The following RAB27B variants were observed in gnomAD, a reference collection of about 807,000 sequenced individuals.
RAB27B encodes RAB27B, member RAS oncogene family, also known as ras-related protein Rab-27B.
Under a neutral mutation model 24.6 loss-of-function variants are expected in RAB27B, and 15 were observed. The ratio of observed to expected loss-of-function variants is 0.61; its 90% confidence interval spans 0.41 to 0.94. The LOEUF is 0.94. RAB27B is among the 40% of genes least tolerant of loss of function. RAB27B has a pLI of 0.00. For missense variants in RAB27B, 261 were observed against 266.8 expected, an observed-to-expected ratio of 0.98 and a Z score of 0.15; for synonymous variants, 105 against 92.5, an observed-to-expected ratio of 1.14 and a Z score of -0.78.
chr18:54,885,502 C>T (rs2145288729), intron 4 of RAB27B, among the ~76,000 whole-genome samples: 1 of 152,246 alleles, frequency 6.6e-6, no homozygotes, highest in East Asian at 1.9e-4. Context: ...AAAATCTTGC[C>T]ATTCCCTTTA....
chr18:54,885,631 T>A (rs1034469006), intron 4 of RAB27B, among the ~76,000 whole-genome samples: 2 of 145,910 alleles, frequency 1.4e-5, no homozygotes, highest in African/African-American at 5.6e-5. Context: ...CTCATCACTC[T>A]GTATCCCCTC....
rs140137602 is a variant in RAB27B, at chr18:54,863,242, G to A, written c.-19-14325G>A. 1.6e-4 allele frequency among the ~76,000 whole-genome samples: 25 copies of A among 152,062 alleles called. 1 individual carries two copies. The highest frequency in any genetic ancestry group is 6.0e-4 in the African/African-American group (25 of 41,474). Reference sequence around the variant, plus strand: ...GATTGAATATATACAACTATATCAGGCCCTATTGTATCATTTTCTATTATC... The same window carrying A: ...GATTGAATATATACAACTATATCAGACCCTATTGTATCATTTTCTATTATC... On this transcript the variant is annotated intron_variant, in intron 1 of 5. Transcript: ENST00000262094.
chr18:54,796,553 G>C (rs1435559702), intron 2 of RAB27B, among the ~76,000 whole-genome samples: 1 of 152,130 alleles, frequency 6.6e-6, no homozygotes, highest in African/African-American at 2.4e-5. Flanking sequence ...GAGTCAGGAT[G>C]CCCAGAGGCA....
At chr18:54,861,270 C>T (rs77094173) in intron 1 of RAB27B, among the ~76,000 whole-genome samples, 1 of 151,474 alleles carries the variant, frequency 6.6e-6, no homozygotes, top group Non-Finnish European at 1.5e-5. Context: ...TTTTATTAAA[C>T]AAGCCATATC....
intron 2 of RAB27B, among the ~76,000 whole-genome samples, chr18:54,774,154 A>G (rs1908644078): frequency 6.6e-6 from 1 of 152,174 alleles, no homozygotes; most frequent in South Asian, 2.1e-4. Context: ...CCAGCATTCT[A>G]CTCTACCTCC....
chr18:54,805,115 TAGAGCCTCAGCGAGTTA>T (rs977852240), intron 2 of RAB27B, among the ~76,000 whole-genome samples: 1 of 151,994 alleles, frequency 6.6e-6, no homozygotes, highest in African/African-American at 2.4e-5. Flanking sequence ...GCATCCTCCC[TAGAGCCTCAGCGAGTTA>T]AGAGCCTCAG....
chr18:54,872,185 C>CT (rs1912497320), intron 1 of RAB27B, among the ~76,000 whole-genome samples: 1 of 152,194 alleles, frequency 6.6e-6, no homozygotes, highest in African/African-American at 2.4e-5. Flanking sequence ...CAACCGACAG[C>CT]TTTATGTGTT....
rs972057384 is a variant in RAB27B, at chr18:54,879,294, G to A, written c.154-75G>A. ...ATTATAGTAATTGAGAAAAAAACAT[G>A]CTGAGTGAACCCAAAGAATTTGAGT... On this transcript the variant is annotated intron_variant, in intron 2 of 5. Coordinates refer to ENST00000262094, the MANE Select transcript of RAB27B (RefSeq NM_004163.4). 11 of 1,079,254 alleles carry A rather than the reference G, an allele frequency of 1.0e-5. No homozygotes were observed. In the African/African-American group the frequency reaches 1.7e-4, roughly 17 times the overall value. 66.9% of individuals were successfully genotyped at this position (1,079,254 alleles called of 1,614,324 possible). A position where few individuals can be genotyped will look rare whatever the true frequency, so the allele number is the denominator to read the frequency against.
At chr18:54,790,580 G>T (rs1329670869) in intron 2 of RAB27B, among the ~76,000 whole-genome samples, 1 of 150,562 alleles carries the variant, frequency 6.6e-6, no homozygotes, top group East Asian at 2.0e-4. Context: ...AAGGTAATTA[G>T]CATATATCTT....
At chr18:54,833,947 C>A (rs867021841) in intron 1 of RAB27B, among the ~76,000 whole-genome samples, 2 of 152,280 alleles carry the variant, frequency 1.3e-5, no homozygotes, top group Non-Finnish European at 1.5e-5. Context: ...CAATGAAGAT[C>A]AGGAAGTGCA....
chr18:54,868,447 T>C (rs1912329665), intron 1 of RAB27B, among the ~76,000 whole-genome samples: 2 of 152,168 alleles, frequency 1.3e-5, no homozygotes, highest in Admixed American at 6.5e-5. Context: ...AAACCTTTTT[T>C]CTTTATAAAG....
chr18:54,747,406 C>T (rs930159795), intron 2 of RAB27B, among the ~76,000 whole-genome samples: 6 of 152,200 alleles, frequency 3.9e-5, no homozygotes, highest in Non-Finnish European at 8.8e-5. Flanking sequence ...TTAATACATT[C>T]ATTTTGTTTT....
upstream of RAB27B, among the ~76,000 whole-genome samples, chr18:54,824,734 G>A (rs1568081887): frequency 1.3e-5 from 2 of 152,292 alleles, no homozygotes; most frequent in South Asian, 2.1e-4. Flanking sequence ...TCAGGAAAAA[G>A]AGCAGAACAT....
intron 2 of RAB27B, among the ~76,000 whole-genome samples, chr18:54,765,131 T>C (rs568209054): frequency 1.3e-5 from 2 of 152,232 alleles, no homozygotes; most frequent in African/African-American, 4.8e-5. Flanking sequence ...GAAAACCACA[T>C]GACTTTGGGA....
intron 1 of RAB27B, among the ~76,000 whole-genome samples, chr18:54,868,684 C>A (rs1433394428): frequency 6.6e-6 from 1 of 151,878 alleles, no homozygotes; most frequent in Non-Finnish European, 1.5e-5. Context: ...AGTACAATGG[C>A]GTGATCTCAA....
chr18:54,797,608 G>A (rs1185034096), intron 2 of RAB27B, among the ~76,000 whole-genome samples: 1 of 152,168 alleles, frequency 6.6e-6, no homozygotes, highest in Non-Finnish European at 1.5e-5. Flanking sequence ...CACTCATGGT[G>A]ACAGACTAAA....
intron 5 of RAB27B, 81 bp from the exon 6 acceptor site, chr18:54,889,143 A>T: frequency 7.6e-7 from 1 of 1,309,168 alleles, no homozygotes; most frequent in Non-Finnish European, 1.0e-6. Context: ...CCGTTTTTGC[A>T]TGTGTGATTC....
At chr18:54,882,699 G>A (rs573437383) in intron 3 of RAB27B, among the ~76,000 whole-genome samples, 1 of 152,302 alleles carries the variant, frequency 6.6e-6, no homozygotes, top group Admixed American at 6.5e-5. Flanking sequence ...GGGGAGCAGA[G>A]TGAACTTTCT....
intron 2 of RAB27B, among the ~76,000 whole-genome samples, chr18:54,758,635 T>TA (rs58044123): frequency 0.45 from 63,628 of 141,610 alleles, 15,757 homozygotes; most frequent in East Asian, 0.57. Flanking sequence ...CAAAAACAAT[T>TA]AAAAAAAAAA....
Sources: gnomAD v4.1 joint callset for allele counts (sites outside exome capture counted in the v4.1 genomes callset) on GRCh38, gnomAD v4.1.1 for gene constraint, MANE v1.5 for transcripts, NCBI Gene and HGNC (gene_info 2026-07-23, HGNC 2026-07-21) for gene names.